ZNF248: variants seen among roughly 807,000 people sequenced by gnomAD.
ZNF248 encodes the protein KRAB protein domain.
Under a neutral mutation model 44.3 loss-of-function variants are expected in ZNF248, and 20 were observed. The ratio of observed to expected loss-of-function variants is 0.45; its 90% confidence interval spans 0.32 to 0.66. ZNF248 has a LOEUF of 0.66. Ranked by LOEUF, ZNF248 falls within the 30% of genes least tolerant of loss-of-function variation. The pLI, the probability that ZNF248 is intolerant of heterozygous loss-of-function variation, is 0.04. For synonymous variants in ZNF248, 224 were observed against 229.0 expected, an observed-to-expected ratio of 0.98 and a Z score of 0.20; for missense variants, 654 against 677.0, an observed-to-expected ratio of 0.97 and a Z score of 0.38.
the ZNF248 span, among the ~76,000 whole-genome samples, chr10:37,770,169 A>G: frequency 6.6e-6 from 1 of 152,232 alleles, no homozygotes; most frequent in Non-Finnish European, 1.5e-5. Flanking sequence ...GGGTAGGAAG[A>G]ATCAATATTG....
chr10:37,804,799 T>C (rs2050329166), intron 6 of ZNF248, among the ~76,000 whole-genome samples: 1 of 152,176 alleles, frequency 6.6e-6, no homozygotes, highest in Non-Finnish European at 1.5e-5. Context: ...ATTGACGAAG[T>C]TTCCAAGTCC....
chr10:37,780,198 G>A (rs1392016410), intron 6 of ZNF248, among the ~76,000 whole-genome samples: 6 of 151,594 alleles, frequency 4.0e-5, no homozygotes, highest in African/African-American at 7.3e-5. Flanking sequence ...AAAGGAGCCC[G>A]CATCGCCAAG....
intron 3 of ZNF248, among the ~76,000 whole-genome samples, chr10:37,854,710 C>A (rs750686815): frequency 3.9e-5 from 6 of 152,188 alleles, no homozygotes; most frequent in Non-Finnish European, 8.8e-5. Flanking sequence ...TAAACATATA[C>A]ACACAAAATT....
At chr10:37,816,948 C>T (rs1033383066) in intron 6 of ZNF248, among the ~76,000 whole-genome samples, 9 of 151,964 alleles carry the variant, frequency 5.9e-5, no homozygotes, top group Middle Eastern at 3.2e-3. Context: ...GTAACTGGGC[C>T]CCTATATTCT....
At chr10:37,835,930 G>C (rs1358040413) in intron 5 of ZNF248, among the ~76,000 whole-genome samples, 1 of 152,132 alleles carries the variant, frequency 6.6e-6, no homozygotes, top group African/African-American at 2.4e-5. Flanking sequence ...TCGATTATAA[G>C]AGTTATCTCC....
the ZNF248 span, among the ~76,000 whole-genome samples, chr10:37,759,432 CT>C: frequency 1.3e-5 from 2 of 152,176 alleles, no homozygotes; most frequent in Non-Finnish European, 2.9e-5. Flanking sequence ...GTTACATCTG[CT>C]TATGAAACCC....
intron 6 of ZNF248, among the ~76,000 whole-genome samples, chr10:37,806,246 T>C (rs966338251): frequency 2.0e-5 from 3 of 152,242 alleles, no homozygotes; most frequent in Non-Finnish European, 2.9e-5. Context: ...CTGGATCATA[T>C]AGTAATTCTA....
At chr10:37,787,020 C>A (rs2047954731) in intron 6 of ZNF248, among the ~76,000 whole-genome samples, 4 of 152,110 alleles carry the variant, frequency 2.6e-5, no homozygotes, top group Admixed American at 2.6e-4. Flanking sequence ...TGGCTCATGC[C>A]TTTAATCCCA....
At chr10:37,788,608 G>A (rs1243231760) in intron 6 of ZNF248, among the ~76,000 whole-genome samples, 1 of 152,162 alleles carries the variant, frequency 6.6e-6, no homozygotes. Context: ...GTGATGGAAC[G>A]AGACTCTGTC....
Position 37,850,627 on chromosome 10 carries a change from A to G in ZNF248, c.15+5669T>C, listed in dbSNP as rs141469968. Reference sequence around the variant, plus strand: ...ACCAATGGAACATAGAAGATAACCCAGAAATAGGCCTACACAAATATACTT... The same window carrying G: ...ACCAATGGAACATAGAAGATAACCCGGAAATAGGCCTACACAAATATACTT... On this transcript the variant is annotated intron_variant, in intron 3 of 5. Coordinates refer to ENST00000395867, the MANE Select transcript of ZNF248 (RefSeq NM_021045.3). Among the ~76,000 whole-genome samples the G allele has an allele frequency of 3.5e-3, 530 of 152,342 alleles. 4 individuals carry two copies. Among genetic ancestry groups the G allele is most frequent in the African/African-American group, 0.012 (503 of 41,572 alleles).
At chr10:37,811,049 C>T (rs2051409801) in intron 6 of ZNF248, among the ~76,000 whole-genome samples, 1 of 152,184 alleles carries the variant, frequency 6.6e-6, no homozygotes, top group Non-Finnish European at 1.5e-5. Context: ...TTTCCATAAA[C>T]ACTGAATAAC....
intron 6 of ZNF248, among the ~76,000 whole-genome samples, chr10:37,779,753 T>C (rs1266970311): frequency 6.6e-6 from 1 of 150,556 alleles, no homozygotes; most frequent in African/African-American, 2.4e-5. Context: ...CATGATTGTA[T>C]ATCTAGAAAA....
chr10:37,782,524 T>C (rs902592121), intron 6 of ZNF248, among the ~76,000 whole-genome samples: 3 of 152,054 alleles, frequency 2.0e-5, no homozygotes, highest in African/African-American at 7.2e-5. Flanking sequence ...CATGTTCAAG[T>C]CCTAACACAC....
intron 6 of ZNF248, among the ~76,000 whole-genome samples, chr10:37,815,421 A>G (rs570568677): frequency 1.6e-4 from 24 of 151,856 alleles, no homozygotes; most frequent in Non-Finnish European, 3.1e-4. Flanking sequence ...AAATTCACTC[A>G]TTCTTCTGCT....
intron 6 of ZNF248, among the ~76,000 whole-genome samples, chr10:37,780,607 A>T (rs911036885): frequency 1.3e-5 from 2 of 152,214 alleles, no homozygotes; most frequent in Non-Finnish European, 2.9e-5. Context: ...ACGCAGGTCC[A>T]TCCTCTGGCG....
At chr10:37,852,584 CTAATT>C (rs2060469604) in intron 3 of ZNF248, among the ~76,000 whole-genome samples, 1 of 148,854 alleles carries the variant, frequency 6.7e-6, no homozygotes, top group Non-Finnish European at 1.5e-5. Context: ...ATAAACGAAT[CTAATT>C]TGTCACTGCA....
At chr10:37,815,991 G>GA (rs71007668) in intron 6 of ZNF248, among the ~76,000 whole-genome samples, 48,000 of 129,916 alleles carry the variant, frequency 0.37, 8,465 homozygotes, top group Middle Eastern at 0.4. Context: ...TCCGATAATG[G>GA]AAAAAAAAAA....
intron 6 of ZNF248, among the ~76,000 whole-genome samples, chr10:37,778,732 G>A (rs985209283): frequency 6.6e-6 from 1 of 151,832 alleles, no homozygotes; most frequent in African/African-American, 2.4e-5. Flanking sequence ...TCCAGGAGCT[G>A]GTTTTTTGAA....
chr10:37,837,857 CT>C lies in ZNF248; in HGVS notation c.142+127del. ...CCAATCTCTGACAAGGCAAGAGCAC[CT>C]TTATGGTGGCCAAATGGGATCAGTC... On this transcript the variant is annotated intron_variant, in intron 4 of 5. Coordinates refer to ENST00000395867, the MANE Select transcript of ZNF248 (RefSeq NM_021045.3). 4.2e-6 allele frequency: 6 copies of C among 1,412,020 alleles called. 1 individual carries two copies. The highest frequency in any genetic ancestry group is 4.8e-6 in the Non-Finnish European group (5 of 1,033,492). The allele number at this position is 1,412,020 out of a possible 1,614,324, so 87.5% of individuals were successfully genotyped here.
Sources: allele counts gnomAD v4.1 joint callset (sites outside exome capture counted in the v4.1 genomes callset), GRCh38; gene constraint gnomAD v4.1.1; transcripts MANE v1.5; gene names NCBI Gene and HGNC (gene_info 2026-07-23, HGNC 2026-07-21).